The following FAM193A variants were observed in gnomAD, a reference collection of about 807,000 sequenced individuals.
FAM193A encodes the protein family with sequence similarity 193 member A, also known as protein FAM193A.
FAM193A carries 22 observed loss-of-function variants against 126.5 expected under a neutral mutation model. That is an observed-to-expected ratio of 0.17 (90% CI 0.12 to 0.25). FAM193A has a LOEUF of 0.25. Ranked by LOEUF, FAM193A falls within the 10% of genes least tolerant of loss-of-function variation. The pLI is 1.00. For missense variants in FAM193A, 1,675 were observed against 1,672.8 expected, an observed-to-expected ratio of 1.00 and a Z score of -0.02; for synonymous variants, 761 against 646.8, an observed-to-expected ratio of 1.18 and a Z score of -2.68.
chr4:2,655,224 A>G (rs982479153), intron 7 of FAM193A: 5 of 513,052 alleles, frequency 9.7e-6, no homozygotes, highest in African/African-American at 9.5e-5. Context: ...TAGTTGATTT[A>G]GGCTATCATT....
intron 5 of FAM193A, among the ~76,000 whole-genome samples, chr4:2,637,666 C>T (rs990755476): frequency 6.6e-6 from 1 of 152,166 alleles, no homozygotes; most frequent in Non-Finnish European, 1.5e-5. Flanking sequence ...CCTCACCTCT[C>T]GTAGGAGCTG....
At chr4:2,706,770 C>T (rs1282733628) in intron 19 of FAM193A, among the ~76,000 whole-genome samples, 1 of 151,262 alleles carries the variant, frequency 6.6e-6, no homozygotes, top group Non-Finnish European at 1.5e-5. Flanking sequence ...CAGTATTTCC[C>T]AGGCTATTTC....
At chr4:2,706,838 G>A (rs1240490466) in intron 19 of FAM193A, among the ~76,000 whole-genome samples, 1 of 151,552 alleles carries the variant, frequency 6.6e-6, no homozygotes, top group Non-Finnish European at 1.5e-5. Context: ...TTTAAAAAAA[G>A]CTTGTTGGGG....
chr4:2,727,804 C>CA (rs1395209516), intron 20 of FAM193A, among the ~76,000 whole-genome samples: 1 of 152,102 alleles, frequency 6.6e-6, no homozygotes, highest in Non-Finnish European at 1.5e-5. Flanking sequence ...GCAGAGGAAT[C>CA]TGTGAGCAGA....
At chr4:2,646,076 T>A (rs1745107882) in intron 6 of FAM193A, among the ~76,000 whole-genome samples, 1 of 151,834 alleles carries the variant, frequency 6.6e-6, no homozygotes, top group Non-Finnish European at 1.5e-5. Flanking sequence ...TTTGGTAAAC[T>A]GAATTGTTAA....
intron 1 of FAM193A, among the ~76,000 whole-genome samples, chr4:2,544,382 A>C (rs1392164498): frequency 6.6e-6 from 1 of 152,118 alleles, no homozygotes; most frequent in Admixed American, 6.6e-5. Flanking sequence ...CTATGTAGTG[A>C]GACTCTGTCT....
intron 1 of FAM193A, among the ~76,000 whole-genome samples, chr4:2,579,062 G>A (rs1159326592): frequency 6.6e-6 from 1 of 151,982 alleles, no homozygotes; most frequent in Non-Finnish European, 1.5e-5. Flanking sequence ...TCTTGCTTTT[G>A]TTGCCCAGAC....
At chr4:2,644,424 C>T (rs1445028671) in intron 6 of FAM193A, among the ~76,000 whole-genome samples, 3 of 152,038 alleles carry the variant, frequency 2.0e-5, no homozygotes, top group Non-Finnish European at 4.4e-5. Flanking sequence ...AAACCAGTCA[C>T]GGAAGAGCAA....
intron 2 of FAM193A, among the ~76,000 whole-genome samples, chr4:2,616,457 C>T (rs1742193420): frequency 6.6e-6 from 1 of 152,152 alleles, no homozygotes; most frequent in Admixed American, 6.5e-5. Flanking sequence ...TACACTCTTT[C>T]CATTTAATGT....
chr4:2,682,201 G>GTC (rs1313718580), intron 13 of FAM193A, among the ~76,000 whole-genome samples: 1 of 151,930 alleles, frequency 6.6e-6, no homozygotes, highest in Non-Finnish European at 1.5e-5. Flanking sequence ...AGCCAGGATG[G>GTC]TCTCGATCTC....
At chr4:2,650,473 G>A (rs556818858) in intron 7 of FAM193A, among the ~76,000 whole-genome samples, 1 of 152,310 alleles carries the variant, frequency 6.6e-6, no homozygotes, top group South Asian at 2.1e-4. Flanking sequence ...TCAAGGGAAC[G>A]AAGCGCACCT....
intron 2 of FAM193A, among the ~76,000 whole-genome samples, chr4:2,618,966 A>G (rs1742374315): frequency 1.3e-5 from 2 of 152,118 alleles, no homozygotes; most frequent in Admixed American, 6.6e-5. Context: ...TCCTGACCTC[A>G]GGTGATCCAC....
intron 4 of FAM193A, 68 bp from the exon 5 acceptor site, chr4:2,630,867 T>A: frequency 1.2e-6 from 1 of 853,432 alleles, no homozygotes; most frequent in Non-Finnish European, 1.9e-6. Flanking sequence ...TCAGAAAAGA[T>A]GCTCACTGAC....
intron 1 of FAM193A, among the ~76,000 whole-genome samples, chr4:2,552,392 C>T (rs1294925348): frequency 1.3e-5 from 2 of 151,918 alleles, no homozygotes; most frequent in Non-Finnish European, 2.9e-5. Flanking sequence ...TTTAAGCAAT[C>T]TGCCCACCTC....
intron 1 of FAM193A, among the ~76,000 whole-genome samples, chr4:2,537,665 T>C (rs1484257920): frequency 6.6e-6 from 1 of 152,222 alleles, no homozygotes. Flanking sequence ...TTGAAATGTT[T>C]CTCTGGCCAC....
intron 1 of FAM193A, among the ~76,000 whole-genome samples, chr4:2,540,705 A>G (rs1020708452): frequency 2.6e-5 from 4 of 152,208 alleles, no homozygotes; most frequent in Non-Finnish European, 4.4e-5. Flanking sequence ...TCACACCTGT[A>G]ATCCCAGCAC....
chr4:2,687,512 G>T (rs1022546580), intron 13 of FAM193A, among the ~76,000 whole-genome samples: 1 of 152,198 alleles, frequency 6.6e-6, no homozygotes, highest in East Asian at 1.9e-4. Flanking sequence ...AGGCCAAGAC[G>T]TGGGACTAGA....
At chr4:2,660,097 C>T in intron 10 of FAM193A, 43 bp downstream of exon 10, 1 of 1,598,260 alleles carries the variant, frequency 6.3e-7, no homozygotes, top group Non-Finnish European at 8.6e-7. Flanking sequence ...ATTTAAGTCG[C>T]CCCAGTAATG....
At chr4:2,593,512 T>C (rs902579661) in intron 1 of FAM193A, among the ~76,000 whole-genome samples, 1 of 152,218 alleles carries the variant, frequency 6.6e-6, no homozygotes, top group African/African-American at 2.4e-5. Context: ...CACTATTTAA[T>C]TAGTTAATTT....
Sources: gnomAD v4.1 joint callset for allele counts (sites outside exome capture counted in the v4.1 genomes callset) on GRCh38, gnomAD v4.1.1 for gene constraint, MANE v1.5 for transcripts, NCBI Gene and HGNC (gene_info 2026-07-23, HGNC 2026-07-21) for gene names.